Variants in MYO1D observed in about 807,000 individuals in gnomAD.
MYO1D encodes unconventional myosin-Id.
In MYO1D, 83 loss-of-function variants were observed where a neutral mutation model predicts 122.0. That is an observed-to-expected ratio of 0.68 (90% CI 0.57 to 0.82). MYO1D has a LOEUF of 0.82. Among genes scored for constraint, MYO1D ranks in the 40% least tolerant of loss-of-function variants. The pLI, the probability that MYO1D is intolerant of heterozygous loss-of-function variation, is 0.00. For missense variants in MYO1D, 1,157 were observed against 1,269.5 expected (o/e 0.91, Z 1.35); for synonymous variants, 464 against 446.9 (o/e 1.04, Z -0.48).
At chr17:32,726,290 T>C (rs907615144) in intron 14 of MYO1D, among the ~76,000 whole-genome samples, 1 of 151,880 alleles carries the variant, frequency 6.6e-6, no homozygotes, top group African/African-American at 2.4e-5. Context: ...TGTGGTGGCG[T>C]GCACCTGTAG....
intron 1 of MYO1D, among the ~76,000 whole-genome samples, chr17:32,873,826 T>C (rs540077867): frequency 6.6e-6 from 1 of 152,306 alleles, no homozygotes; most frequent in African/African-American, 2.4e-5. Flanking sequence ...CAAATACATA[T>C]ACATCTGTAC....
chr17:32,827,466 G>A (rs1029393770), intron 1 of MYO1D, among the ~76,000 whole-genome samples: 1 of 152,110 alleles, frequency 6.6e-6, no homozygotes, highest in Non-Finnish European at 1.5e-5. Context: ...CAAAGTTCTG[G>A]AAATGGGTAG....
chr17:32,747,859 A>T (rs1362865040), intron 12 of MYO1D, among the ~76,000 whole-genome samples: 2 of 150,748 alleles, frequency 1.3e-5, no homozygotes, highest in Admixed American at 1.3e-4. Context: ...AAAAAAAAAG[A>T]TAGACACAAA....
intron 16 of MYO1D, among the ~76,000 whole-genome samples, chr17:32,697,539 T>C (rs757860351): frequency 1.3e-5 from 2 of 152,202 alleles, no homozygotes; most frequent in Non-Finnish European, 2.9e-5. Context: ...TGATGCTTTC[T>C]TGGTCGCTTT....
intron 1 of MYO1D, among the ~76,000 whole-genome samples, chr17:32,791,267 G>A (rs1008353433): frequency 1.2e-4 from 18 of 151,488 alleles, no homozygotes; most frequent in Non-Finnish European, 2.4e-4. Flanking sequence ...GGGAGGCTGA[G>A]GCAGGAGAAT....
chr17:32,685,547 A>C (rs1042941333), intron 16 of MYO1D, among the ~76,000 whole-genome samples: 4 of 152,216 alleles, frequency 2.6e-5, no homozygotes, highest in African/African-American at 7.2e-5. Context: ...AGCCTAAAGG[A>C]GTCCTGGAGT....
At chr17:32,717,397 T>TA (rs1357878864) in intron 15 of MYO1D, among the ~76,000 whole-genome samples, 1 of 152,224 alleles carries the variant, frequency 6.6e-6, no homozygotes, top group Admixed American at 6.5e-5. Context: ...TCCCCACCCT[T>TA]ACAATCAGTA....
At chr17:32,502,017 A>C (rs1055286524) in intron 21 of MYO1D, among the ~76,000 whole-genome samples, 2 of 152,188 alleles carry the variant, frequency 1.3e-5, no homozygotes, top group South Asian at 4.1e-4. Flanking sequence ...GAGGACACCC[A>C]GCTGGTGACC....
chr17:32,653,667 G>A (rs1426076041), intron 19 of MYO1D, among the ~76,000 whole-genome samples, 176 bp downstream of exon 19: 1 of 150,294 alleles, frequency 6.7e-6, no homozygotes, highest in East Asian at 2.0e-4. Context: ...TAGCCTAACT[G>A]TAAAGTTGTA....
intron 1 of MYO1D, among the ~76,000 whole-genome samples, chr17:32,861,427 C>A (rs185238063): frequency 6.6e-6 from 1 of 152,030 alleles, no homozygotes; most frequent in African/African-American, 2.4e-5. Context: ...ACCCTATTCA[C>A]GAATGTGACA....
At chr17:32,850,140 T>TC (rs1489814899) in intron 1 of MYO1D, among the ~76,000 whole-genome samples, 9 of 152,208 alleles carry the variant, frequency 5.9e-5, no homozygotes. Flanking sequence ...ACTTTTTTTT[T>TC]CCATTATTGT....
chr17:32,816,473 A>G (rs2090614681), intron 1 of MYO1D, among the ~76,000 whole-genome samples: 3 of 152,226 alleles, frequency 2.0e-5, no homozygotes, highest in Admixed American at 2.0e-4. Context: ...CTTTGAAATC[A>G]TTTTAATAAT....
At chr17:32,796,058 T>G (rs750730976) in intron 1 of MYO1D, among the ~76,000 whole-genome samples, 2 of 152,172 alleles carry the variant, frequency 1.3e-5, no homozygotes, top group African/African-American at 2.4e-5. Context: ...AACCAAAACA[T>G]GAGAATGAAA....
At chr17:32,774,082 T>C (rs529880875) in intron 4 of MYO1D, among the ~76,000 whole-genome samples, 5 of 152,244 alleles carry the variant, frequency 3.3e-5, no homozygotes, top group South Asian at 4.2e-4. Context: ...AATCCTTTTA[T>C]CACCTCCCCT....
intron 1 of MYO1D, among the ~76,000 whole-genome samples, chr17:32,838,801 A>G (rs1203740300): frequency 6.6e-6 from 1 of 152,192 alleles, no homozygotes; most frequent in Non-Finnish European, 1.5e-5. Flanking sequence ...AGGGACTATG[A>G]GGAATATTAA....
chr17:32,852,070 A>T (rs1322198097), intron 1 of MYO1D, among the ~76,000 whole-genome samples: 4 of 152,196 alleles, frequency 2.6e-5, no homozygotes, highest in Non-Finnish European at 4.4e-5. Flanking sequence ...CAAATGTTAG[A>T]ACTGTCTGCC....
At chr17:32,803,200 G>A (rs996444143) in intron 1 of MYO1D, among the ~76,000 whole-genome samples, 3 of 152,100 alleles carry the variant, frequency 2.0e-5, no homozygotes, top group Admixed American at 6.5e-5. Flanking sequence ...AGGCTTGAGT[G>A]CAGTGGCGTG....
At chr17:32,789,819 A>G (rs538446805) in intron 1 of MYO1D, among the ~76,000 whole-genome samples, 1 of 152,346 alleles carries the variant, frequency 6.6e-6, no homozygotes, top group East Asian at 1.9e-4. Flanking sequence ...GGAAGAGTCC[A>G]GGAAGGGTAT....
At chr17:32,520,893 A>G (rs888507342) in intron 21 of MYO1D, among the ~76,000 whole-genome samples, 2 of 152,242 alleles carry the variant, frequency 1.3e-5, no homozygotes, top group Admixed American at 6.5e-5. Context: ...GGTGACTGAC[A>G]AAGTTCATCT....
Sources: gnomAD v4.1 joint callset for allele counts (sites outside exome capture counted in the v4.1 genomes callset) on GRCh38, gnomAD v4.1.1 for gene constraint, MANE v1.5 for transcripts, NCBI Gene and HGNC (gene_info 2026-07-23, HGNC 2026-07-21) for gene names.